ROBO1: variants seen among roughly 807,000 people sequenced by gnomAD.
ROBO1 encodes the protein roundabout guidance receptor 1, also known as roundabout homolog 1.
ROBO1 carries 149 observed loss-of-function variants against 195.9 expected under a neutral mutation model. The observed-to-expected ratio is 0.76, with a 90% CI of 0.67 to 0.87. The LOEUF is 0.87. Ranked by LOEUF, ROBO1 falls within the 40% of genes least tolerant of loss-of-function variation. ROBO1 has a pLI of 0.00. For missense variants in ROBO1, 1,933 were observed against 2,068.3 expected (o/e 0.93, Z 1.27); for synonymous variants, 816 against 733.2 (o/e 1.11, Z -1.82).
intron 18 of ROBO1, among the ~76,000 whole-genome samples, chr3:78,654,347 A>G (rs1045458735): frequency 2.6e-5 from 4 of 152,024 alleles, no homozygotes; most frequent in African/African-American, 9.7e-5. Context: ...AGGCTGAAAA[A>G]CCTATTTTCA....
intron 2 of ROBO1, among the ~76,000 whole-genome samples, chr3:79,252,435 A>C (rs539520377): frequency 1.3e-5 from 2 of 152,322 alleles, no homozygotes; most frequent in Admixed American, 1.3e-4. Context: ...AGGAAGGCCA[A>C]GGATTGCCAG....
intron 2 of ROBO1, among the ~76,000 whole-genome samples, chr3:79,384,448 T>G (rs2036669385): frequency 6.6e-6 from 1 of 151,962 alleles, no homozygotes; most frequent in Admixed American, 6.6e-5. Context: ...GTCTGTTATA[T>G]GTGTATATTA....
At chr3:78,634,790 T>C (rs1705395013) in intron 23 of ROBO1, among the ~76,000 whole-genome samples, 1 of 152,160 alleles carries the variant, frequency 6.6e-6, no homozygotes, top group Non-Finnish European at 1.5e-5. Context: ...AGTACTTTCT[T>C]AAACTTGAGA....
At chr3:78,665,086 T>C (rs1441760189) in intron 14 of ROBO1, among the ~76,000 whole-genome samples, 5 of 152,206 alleles carry the variant, frequency 3.3e-5, no homozygotes, top group Non-Finnish European at 2.9e-5. Flanking sequence ...TCCTTGAATG[T>C]CTTTTCATAT....
intron 1 of ROBO1, among the ~76,000 whole-genome samples, chr3:79,675,278 A>G (rs1217746578): frequency 6.6e-6 from 1 of 151,998 alleles, no homozygotes; most frequent in Non-Finnish European, 1.5e-5. Flanking sequence ...AATTTTATAT[A>G]CTTATGATTG....
intron 1 of ROBO1, among the ~76,000 whole-genome samples, chr3:79,762,513 G>A (rs1704758573): frequency 7.5e-6 from 1 of 132,708 alleles, no homozygotes; most frequent in African/African-American, 2.6e-5. Flanking sequence ...TTCTTAACAT[G>A]AAGGTCTTCA....
At chr3:79,193,581 C>CTT (rs869203963) in intron 2 of ROBO1, among the ~76,000 whole-genome samples, 3,043 of 85,590 alleles carry the variant, frequency 0.036, 166 homozygotes, top group African/African-American at 0.062. Context: ...TGTGGTTTTG[C>CTT]TTTTTTTTTT....
intron 5 of ROBO1, 115 bp from the exon 6 acceptor site, chr3:78,717,998 C>A: frequency 1.0e-6 from 1 of 964,672 alleles, no homozygotes; most frequent in Middle Eastern, 2.2e-4. Context: ...AGCATAATTA[C>A]ATCAACAGCT....
chr3:79,654,276 A>C (rs1381367965), intron 1 of ROBO1, among the ~76,000 whole-genome samples: 1 of 152,022 alleles, frequency 6.6e-6, no homozygotes, highest in South Asian at 2.1e-4. Context: ...AGCTTTTGAC[A>C]AACTACAAAA....
intron 2 of ROBO1, among the ~76,000 whole-genome samples, chr3:79,409,319 T>C (rs762816072): frequency 9.9e-5 from 15 of 152,132 alleles, no homozygotes; most frequent in Non-Finnish European, 1.9e-4. Flanking sequence ...TACATTCCCA[T>C]AGCATTCAGG....
chr3:79,027,727 A>G (rs962646170), intron 3 of ROBO1, among the ~76,000 whole-genome samples: 4 of 152,038 alleles, frequency 2.6e-5, no homozygotes, highest in African/African-American at 9.7e-5. Context: ...TGCTGGAACT[A>G]AAAGCCTTTG....
intron 2 of ROBO1, among the ~76,000 whole-genome samples, chr3:79,441,608 A>G (rs746337927): frequency 6.6e-6 from 1 of 152,104 alleles, no homozygotes; most frequent in South Asian, 2.1e-4. Context: ...TACTCTCCTT[A>G]GTCCTTCAAA....
intron 2 of ROBO1, among the ~76,000 whole-genome samples, chr3:79,404,126 T>C (rs2106802669): frequency 6.6e-6 from 1 of 152,204 alleles, no homozygotes; most frequent in South Asian, 2.1e-4. Context: ...TTCATGTGTA[T>C]GACAGCTGAG....
intron 2 of ROBO1, among the ~76,000 whole-genome samples, chr3:79,477,116 A>G (rs958642062): frequency 1.3e-5 from 2 of 152,128 alleles, no homozygotes; most frequent in African/African-American, 2.4e-5. Context: ...TTGGTTGGCA[A>G]CAAAGTCACT....
At chr3:79,652,606 AGGCTTT>A (rs1222070555) in intron 1 of ROBO1, among the ~76,000 whole-genome samples, 1 of 152,106 alleles carries the variant, frequency 6.6e-6, no homozygotes, top group East Asian at 1.9e-4. Context: ...CATTTAGCTC[AGGCTTT>A]GGCACATATT....
chr3:79,453,289 G>T (rs1559910356), intron 2 of ROBO1, among the ~76,000 whole-genome samples: 1 of 151,978 alleles, frequency 6.6e-6, no homozygotes, highest in Non-Finnish European at 1.5e-5. Context: ...TGCCAAGTAG[G>T]ACATTATTGG....
chr3:79,653,244 G>A (rs1372123369), intron 1 of ROBO1, among the ~76,000 whole-genome samples: 1 of 151,614 alleles, frequency 6.6e-6, no homozygotes, highest in Non-Finnish European at 1.5e-5. Context: ...AAATAAATGA[G>A]AAATTCATTT....
intron 3 of ROBO1, among the ~76,000 whole-genome samples, chr3:78,965,864 C>G (rs2076630904): frequency 6.6e-6 from 1 of 152,164 alleles, no homozygotes; most frequent in African/African-American, 2.4e-5. Flanking sequence ...CTATTATGTG[C>G]TCTTTCTGAA....
intron 26 of ROBO1, among the ~76,000 whole-genome samples, chr3:78,626,976 A>T (rs1300025584): frequency 6.6e-6 from 1 of 152,204 alleles, no homozygotes; most frequent in Non-Finnish European, 1.5e-5. Context: ...TGACTTATTG[A>T]TACAAAAGGA....
Sources: gnomAD v4.1 joint callset for allele counts (sites outside exome capture counted in the v4.1 genomes callset) on GRCh38, gnomAD v4.1.1 for gene constraint, MANE v1.5 for transcripts, NCBI Gene and HGNC (gene_info 2026-07-23, HGNC 2026-07-21) for gene names.